The following FAM174A variants were observed in gnomAD, a reference collection of about 807,000 sequenced individuals.
The protein encoded by FAM174A is family with sequence similarity 174 member A.
In FAM174A, 14 loss-of-function variants were observed where a neutral mutation model predicts 14.3. The observed-to-expected ratio is 0.98, with a 90% CI of 0.65 to 1.53. The LOEUF (loss-of-function observed/expected upper bound fraction) is 1.53. FAM174A is among the 40% of genes most tolerant of loss of function. FAM174A has a pLI of 0.00. For missense variants in FAM174A, 241 were observed against 249.6 expected (o/e 0.97, Z 0.23); for synonymous variants, 108 against 111.4 (o/e 0.97, Z 0.19).
At chr5:100,553,012 T>G (rs1201809576) in intron 1 of FAM174A, among the ~76,000 whole-genome samples, 1 of 152,074 alleles carries the variant, frequency 6.6e-6, no homozygotes, top group Non-Finnish European at 1.5e-5. Context: ...GTTTCTATAT[T>G]TCCAAATGCA....
At chr5:100,554,775 ATCTG>A (rs1191610016) in intron 1 of FAM174A, among the ~76,000 whole-genome samples, 2 of 152,210 alleles carry the variant, frequency 1.3e-5, no homozygotes, top group Non-Finnish European at 1.5e-5. Context: ...TGGTTTATCT[ATCTG>A]TCTATCTATC....
At chr5:100,558,095 A>G (rs1163062296) in intron 1 of FAM174A, among the ~76,000 whole-genome samples, 1 of 152,140 alleles carries the variant, frequency 6.6e-6, no homozygotes, top group South Asian at 2.1e-4. Context: ...ATTTCCCTCT[A>G]CACACTGCTT....
At chr5:100,537,565 G>T (rs916374847) in intron 1 of FAM174A, among the ~76,000 whole-genome samples, 4 of 152,124 alleles carry the variant, frequency 2.6e-5, no homozygotes, top group Non-Finnish European at 4.4e-5. Flanking sequence ...AACAGCAGGC[G>T]TAAGCAATAT....
chr5:100,570,522 T>A (rs1746758363), intron 2 of FAM174A, among the ~76,000 whole-genome samples: 1 of 151,976 alleles, frequency 6.6e-6, no homozygotes, highest in African/African-American at 2.4e-5. Flanking sequence ...AGAAAAAGTC[T>A]ATACTTATGT....
At chr5:100,570,311 T>TA (rs1311626609) in intron 2 of FAM174A, among the ~76,000 whole-genome samples, 5 of 151,974 alleles carry the variant, frequency 3.3e-5, no homozygotes, top group African/African-American at 9.7e-5. Context: ...AGAAGGACCC[T>TA]ATCTGACTTT....
intron 2 of FAM174A, among the ~76,000 whole-genome samples, chr5:100,579,212 T>C (rs1746958831): frequency 1.3e-5 from 2 of 152,176 alleles, no homozygotes; most frequent in Admixed American, 1.3e-4. Flanking sequence ...GTTAGTTCAG[T>C]TGTTTTCAGC....
At position 100,584,259 on chromosome 5, in the gene FAM174A, A is replaced by T. The variant is rs544639079; in HGVS notation, c.570-1922A>T. Among the ~76,000 whole-genome samples, 14 of 152,334 alleles carry T rather than the reference A, an allele frequency of 9.2e-5. No individual in the cohort carries two copies. The East Asian group carries it at 2.1e-3, about 23-fold the overall frequency. ...TAATGAGAAACTCTACTGCATTTGCATGAAACAGTACTGTTAGCCTATCCT... is the reference window on the plus strand; with the variant it reads ...TAATGAGAAACTCTACTGCATTTGCTTGAAACAGTACTGTTAGCCTATCCT... On this transcript the variant is annotated intron_variant, in intron 2 of 2. Transcript: ENST00000312637.
At chr5:100,569,302 T>C (rs1746726726) in intron 2 of FAM174A, among the ~76,000 whole-genome samples, 2 of 151,824 alleles carry the variant, frequency 1.3e-5, no homozygotes, top group South Asian at 4.1e-4. Context: ...AATAGAGTAA[T>C]ATGTAGCTAT....
At chr5:100,567,906 C>T (rs1357317545) in intron 2 of FAM174A, among the ~76,000 whole-genome samples, 1 of 151,926 alleles carries the variant, frequency 6.6e-6, no homozygotes, top group Non-Finnish European at 1.5e-5. Context: ...GACTTTTCCC[C>T]TCCATAACTA....
chr5:100,543,263 G>A (rs26029), intron 1 of FAM174A, among the ~76,000 whole-genome samples: 29 of 151,710 alleles, frequency 1.9e-4, no homozygotes, highest in African/African-American at 5.8e-4. Flanking sequence ...GACTACAGGC[G>A]CACGCCACCA....
intron 2 of FAM174A, among the ~76,000 whole-genome samples, chr5:100,563,827 A>C (rs1746582072): frequency 6.6e-6 from 1 of 151,948 alleles, no homozygotes; most frequent in Non-Finnish European, 1.5e-5. Flanking sequence ...AGAAATCAAT[A>C]ACAGCAGGAA....
chr5:100,556,281 G>A (rs1746378912), intron 1 of FAM174A, among the ~76,000 whole-genome samples: 1 of 152,132 alleles, frequency 6.6e-6, no homozygotes, highest in Admixed American at 6.6e-5. Context: ...TGAGGGCTCT[G>A]TTCTGTTCCA....
intron 2 of FAM174A, among the ~76,000 whole-genome samples, chr5:100,581,670 C>T (rs973623461): frequency 6.6e-6 from 1 of 152,112 alleles, no homozygotes; most frequent in African/African-American, 2.4e-5. Flanking sequence ...TTCAATATTA[C>T]ATTTGGTCGT....
chr5:100,585,096 G>A (rs909428401), intron 2 of FAM174A, among the ~76,000 whole-genome samples: 38 of 152,232 alleles, frequency 2.5e-4, no homozygotes, highest in African/African-American at 8.9e-4. Context: ...TTAGTGTCAC[G>A]TGGTATTTTA....
intron 1 of FAM174A, among the ~76,000 whole-genome samples, chr5:100,547,644 TG>T (rs1437516218): frequency 2.0e-5 from 3 of 152,108 alleles, no homozygotes; most frequent in African/African-American, 4.8e-5. Context: ...TTATTCAAAG[TG>T]GACGGATTGC....
intron 1 of FAM174A, among the ~76,000 whole-genome samples, chr5:100,561,804 A>G (rs1313241830): frequency 2.0e-5 from 3 of 151,880 alleles, no homozygotes; most frequent in African/African-American, 7.2e-5. Flanking sequence ...TTATTTGTCA[A>G]CACCATCAGT....
At chr5:100,556,324 A>G (rs1439619294) in intron 1 of FAM174A, among the ~76,000 whole-genome samples, 2 of 152,168 alleles carry the variant, frequency 1.3e-5, no homozygotes, top group African/African-American at 4.8e-5. Flanking sequence ...TATCAGTACC[A>G]TGCTGTTTTG....
At chr5:100,544,432 A>C (rs1746126013) in intron 1 of FAM174A, among the ~76,000 whole-genome samples, 1 of 151,834 alleles carries the variant, frequency 6.6e-6, no homozygotes, top group African/African-American at 2.4e-5. Context: ...AGAGAGAGAG[A>C]GATCGAGAGA....
chr5:100,550,622 A>C (rs1746243914), intron 1 of FAM174A, among the ~76,000 whole-genome samples: 1 of 152,190 alleles, frequency 6.6e-6, no homozygotes. Flanking sequence ...AGGGATGACA[A>C]ATAGTTACTT....
Sources: allele counts gnomAD v4.1 joint callset (sites outside exome capture counted in the v4.1 genomes callset), GRCh38; gene constraint gnomAD v4.1.1; transcripts MANE v1.5; gene names NCBI Gene and HGNC (gene_info 2026-07-23, HGNC 2026-07-21).